The following SLC1A7 variants were observed in gnomAD, a reference collection of about 807,000 sequenced individuals.
SLC1A7 encodes excitatory amino acid transporter 5.
Under a neutral mutation model 47.7 loss-of-function variants are expected in SLC1A7, and 40 were observed. That is an observed-to-expected ratio of 0.84 (90% CI 0.65 to 1.09). The LOEUF (loss-of-function observed/expected upper bound fraction) is 1.09, where lower values mean the gene tolerates loss of function less well. Ranked by LOEUF, SLC1A7 falls within the 50% of genes least tolerant of loss-of-function variation. The pLI, the probability that SLC1A7 is intolerant of heterozygous loss-of-function variation, is 0.00. For missense variants in SLC1A7, 746 were observed against 769.5 expected, an observed-to-expected ratio of 0.97 and a Z score of 0.36; for synonymous variants, 323 against 325.6, an observed-to-expected ratio of 0.99 and a Z score of 0.09.
chr1:53,129,992 C>T (rs925129302), intron 2 of SLC1A7, among the ~76,000 whole-genome samples: 1 of 152,172 alleles, frequency 6.6e-6, no homozygotes, highest in Non-Finnish European at 1.5e-5. Context: ...AGTGGCTCTT[C>T]CGAATAGGGA....
At chr1:53,111,360 G>C (rs1644699259) in intron 3 of SLC1A7, among the ~76,000 whole-genome samples, 1 of 152,196 alleles carries the variant, frequency 6.6e-6, no homozygotes. Flanking sequence ...ATGTGTGTCA[G>C]CAAGTGCCTG....
chr1:53,136,168 A>T lies in SLC1A7; in HGVS notation c.136-1739T>A, dbSNP rs1285007237. On this transcript the variant is annotated intron_variant, in intron 1 of 10. Coordinates refer to ENST00000371494, the MANE Select transcript of SLC1A7 (RefSeq NM_006671.6). ...CTCTCTCTCTATATATATATATATAAAATAATATATATAATTATATATTAT... is the reference window on the plus strand; with the variant it reads ...CTCTCTCTCTATATATATATATATATAATAATATATATAATTATATATTAT... Among the ~76,000 whole-genome samples, 6 of 147,070 alleles carry T rather than the reference A, an allele frequency of 4.1e-5. 1 individual carries two copies. In the South Asian group the frequency reaches 1.1e-3, roughly 26 times the overall value.
At chr1:53,095,917 C>T (rs1288411) in intron 5 of SLC1A7, among the ~76,000 whole-genome samples, 97,129 of 149,588 alleles carry the variant, frequency 0.65, 33,857 homozygotes, top group Non-Finnish European at 0.77. Flanking sequence ...CAACCCGCCT[C>T]GGTACACTCA....
chr1:53,132,209 T>C (rs1014159030), intron 2 of SLC1A7, among the ~76,000 whole-genome samples: 1 of 152,042 alleles, frequency 6.6e-6, no homozygotes, highest in Non-Finnish European at 1.5e-5. Context: ...TGAAGGTAAA[T>C]GAGGGGCAGG....
intron 2 of SLC1A7, among the ~76,000 whole-genome samples, chr1:53,119,958 T>C (rs1644801784): frequency 6.6e-6 from 1 of 152,040 alleles, no homozygotes; most frequent in Non-Finnish European, 1.5e-5. Flanking sequence ...GCACCTGCGG[T>C]GTTTGAGGGC....
intron 1 of SLC1A7, among the ~76,000 whole-genome samples, chr1:53,140,762 A>T (rs949866147): frequency 6.6e-6 from 1 of 152,202 alleles, no homozygotes; most frequent in Admixed American, 6.5e-5. Context: ...CATTTTACAG[A>T]CAAGGAAACT....
intron 6 of SLC1A7, 86 bp from the exon 7 acceptor site, chr1:53,092,873 C>T (rs1644441156): frequency 1.2e-6 from 1 of 852,264 alleles, no homozygotes; most frequent in Non-Finnish European, 2.0e-6. Context: ...CGGCCTTCCC[C>T]CTGAGCTTCC....
At chr1:53,103,140 G>C (rs1457794613) in intron 5 of SLC1A7, 2 of 517,640 alleles carry the variant, frequency 3.9e-6, no homozygotes, top group Non-Finnish European at 3.4e-6. Flanking sequence ...AGACGGGCCT[G>C]AGGGGGAGGT....
rs181906934 is a variant in SLC1A7 at position 53,100,399 on chromosome 1, G to A, written c.697+2947C>T. 2.4e-3 allele frequency among the ~76,000 whole-genome samples: 360 copies of A among 147,326 alleles called. 1 individual carries two copies. The highest frequency in any genetic ancestry group is 0.019 in the Middle Eastern group (5 of 264). On this transcript the variant is annotated intron_variant, in intron 5 of 10. Transcript: ENST00000371494. ...CCACCTCGGTACACTCACACACCCC[G>A]CCTCAGTACACTCACACGTCTTGTT...
At chr1:53,129,025 A>G (rs1644911816) in intron 2 of SLC1A7, among the ~76,000 whole-genome samples, 1 of 140,056 alleles carries the variant, frequency 7.1e-6, no homozygotes, top group Non-Finnish European at 1.6e-5. Context: ...CTAAGAATTC[A>G]AAAATTTGCT....
At chr1:53,115,133 T>A (rs1259459122) in intron 2 of SLC1A7, 160 bp from the exon 3 acceptor site, 9 of 640,322 alleles carry the variant, frequency 1.4e-5, no homozygotes, top group Admixed American at 4.9e-5. Context: ...CCAGCCTCTC[T>A]TTCTGCTCTG....
Position 53,092,581 on chromosome 1 carries a change from A to C in SLC1A7, c.1004T>G (p.Leu335Arg). The change falls in exon 7 of 11, where the codon CTG (leucine) becomes CGG (arginine). Residue 335 changes from leucine (L) to arginine (R), a missense_variant. Transcript: ENST00000371494. ...GGAGGAGGTGGCCAGCGCGATGAGCAGAGCCTGCAGGATGCCACGGATGAA... is the reference window on the plus strand; with the variant it reads ...GGAGGAGGTGGCCAGCGCGATGAGCCGAGCCTGCAGGATGCCACGGATGAA... Reference protein sequence around the residue: ...IVFIRGILQALLIALATSSSS... With the variant: ...IVFIRGILQARLIALATSSSS... 3.1e-6 allele frequency: 5 copies of C among 1,614,054 alleles called. No homozygotes were observed. Among genetic ancestry groups the C allele is most frequent in the Non-Finnish European group, 3.4e-6 (4 of 1,179,910 alleles).
chr1:53,087,960 T>TCAGGACCCTGCCC lies in SLC1A7; in HGVS notation c.*36_*48dup, dbSNP rs1461298342. 2 of 1,234,312 alleles carry TCAGGACCCTGCCC rather than the reference T, an allele frequency of 1.6e-6. No individual in the cohort carries two copies. Among genetic ancestry groups the TCAGGACCCTGCCC allele is most frequent in the African/African-American group, 1.5e-5 (1 of 66,602 alleles). 76.5% of individuals were successfully genotyped at this position (1,234,312 alleles called of 1,614,324 possible). ...AGGGTTGGAGAGTCGAGTTCCTGCC[T>TCAGGACCCTGCCC]CAGGACCCTGCCCCTGGAGGCCTCG... On this transcript the variant is annotated 3_prime_UTR_variant, in exon 11 of 11. Transcript: ENST00000371494.
At chr1:53,096,982 C>A (rs543675638) in intron 5 of SLC1A7, among the ~76,000 whole-genome samples, 1 of 147,442 alleles carries the variant, frequency 6.8e-6, no homozygotes, top group African/African-American at 2.5e-5. Context: ...TCACACACCC[C>A]GCCTCAGTAC....
chr1:53,136,946 T>A (rs1304526456), intron 1 of SLC1A7, among the ~76,000 whole-genome samples: 2 of 151,868 alleles, frequency 1.3e-5, no homozygotes, highest in African/African-American at 4.8e-5. Context: ...GGATTATAGG[T>A]GTGAGCCACT....
rs186344075 is a variant in SLC1A7 at position 53,134,441 on chromosome 1, G to C, written c.136-12C>G. Reference sequence around the variant, plus strand: ...AAGTAACTAATTTCCTGAAAACACAGTAAGAACTGGGGTTATAGCAAGAGA... The same window carrying C: ...AAGTAACTAATTTCCTGAAAACACACTAAGAACTGGGGTTATAGCAAGAGA... On this transcript the variant is annotated splice_polypyrimidine_tract_variant and intron_variant, in intron 1 of 10. Transcript: ENST00000371494. 7.4e-5 allele frequency: 117 copies of C among 1,585,284 alleles called. No homozygotes were observed. Among genetic ancestry groups the C allele is most frequent in the Admixed American group, 1.0e-4 (6 of 59,654 alleles).
In SLC1A7 at chr1:53,122,604, C is replaced by T. The variant is rs9436922; in HGVS notation, c.216-7631G>A. On this transcript the variant is annotated intron_variant, in intron 2 of 10. Transcript: ENST00000371494. Reference sequence around the variant, plus strand: ...CTCTGCCAAAGCCCCACACTCAAGCCGACTCCTCCTGAGGCCTAAGGCAGC... The same window carrying T: ...CTCTGCCAAAGCCCCACACTCAAGCTGACTCCTCCTGAGGCCTAAGGCAGC... 3.0e-3 allele frequency among the ~76,000 whole-genome samples: 453 copies of T among 152,288 alleles called. 1 individual carries two copies. Among genetic ancestry groups the T allele is most frequent in the Non-Finnish European group, 4.8e-3 (325 of 68,030 alleles).
Position 53,089,923 on chromosome 1 carries a change from G to A in SLC1A7, c.1238C>T (p.Thr413Ile). The A allele has an allele frequency of 2.5e-6, 4 of 1,613,632 alleles. No homozygotes were observed. The highest frequency in any genetic ancestry group is 3.4e-6 in the Non-Finnish European group (4 of 1,179,944). The change falls in exon 9 of 11, where the codon ACT becomes ATT. Residue 413 changes from threonine to isoleucine, a missense_variant. Physicochemically the swap from Thr to Ile is moderately conservative, Grantham distance 89. Transcript: ENST00000371494. ...GQIITISITA[T>I]AASIGAAGIP... ...GCCAGCTGCCCCAATGCTGGCTGCA[G>A]TGGCTGTGATACTGCAGGGGGTGGG...
At chr1:53,098,425 C>T (rs556877146) in intron 5 of SLC1A7, among the ~76,000 whole-genome samples, 35 of 149,174 alleles carry the variant, frequency 2.3e-4, no homozygotes, top group South Asian at 1.3e-3. Context: ...ACACTCACAC[C>T]GCCTCAGTAC....
Sources: gnomAD v4.1 joint callset for allele counts (sites outside exome capture counted in the v4.1 genomes callset) on GRCh38, gnomAD v4.1.1 for gene constraint, MANE v1.5 for transcripts, NCBI Gene and HGNC (gene_info 2026-07-23, HGNC 2026-07-21) for gene names.